PIK3AP1: variants seen among roughly 807,000 people sequenced by gnomAD.
PIK3AP1 encodes phosphoinositide 3-kinase adapter protein 1.
A neutral mutation model predicts 88.1 loss-of-function variants in PIK3AP1; 21 were observed. The ratio of observed to expected loss-of-function variants is 0.24; its 90% CI spans 0.17 to 0.34. PIK3AP1 has a LOEUF of 0.34. Among genes scored for constraint, PIK3AP1 ranks in the 10% least tolerant of loss-of-function variants. The pLI, the probability that PIK3AP1 is intolerant of heterozygous loss-of-function variation, is 1.00. For missense variants in PIK3AP1, 828 were observed against 1,035.7 expected, an observed-to-expected ratio of 0.80 and a Z score of 2.75; for synonymous variants, 398 against 400.0, an observed-to-expected ratio of 1.00 and a Z score of 0.06.
chr10:96,684,987 C>T (rs189928535), intron 2 of PIK3AP1, among the ~76,000 whole-genome samples: 1 of 152,256 alleles, frequency 6.6e-6, no homozygotes, highest in Admixed American at 6.5e-5. Flanking sequence ...TTTAAAAGAT[C>T]GGTAGGAAGA....
chr10:96,597,219 A>G (rs1328701888), intron 16 of PIK3AP1, among the ~76,000 whole-genome samples: 1 of 151,938 alleles, frequency 6.6e-6, no homozygotes, highest in Non-Finnish European at 1.5e-5. Context: ...CTTTTACCTG[A>G]GCAAATTTAG....
chr10:96,652,530 G>A (rs980060446), intron 4 of PIK3AP1, among the ~76,000 whole-genome samples, 168 bp downstream of exon 4: 4 of 151,896 alleles, frequency 2.6e-5, no homozygotes, highest in African/African-American at 9.7e-5. Flanking sequence ...CTGAGATCAT[G>A]CCACTGCACT....
chr10:96,648,221 T>G (rs767719619), intron 7 of PIK3AP1, among the ~76,000 whole-genome samples: 1 of 152,090 alleles, frequency 6.6e-6, no homozygotes, highest in African/African-American at 2.4e-5. Context: ...GCTAGGAGCA[T>G]CCCACCATGG....
chr10:96,601,095 T>A (rs912355844), intron 16 of PIK3AP1, among the ~76,000 whole-genome samples: 2 of 151,996 alleles, frequency 1.3e-5, no homozygotes, highest in Non-Finnish European at 2.9e-5. Context: ...AAAAGATCAC[T>A]TATATTGCTG....
chr10:96,636,009 C>T (rs1419806363), intron 8 of PIK3AP1, among the ~76,000 whole-genome samples: 1 of 151,624 alleles, frequency 6.6e-6, no homozygotes, highest in Non-Finnish European at 1.5e-5. Context: ...AGTTTGAGAC[C>T]AGCCTGGCCA....
chr10:96,606,296 G>C (rs1007457136), intron 14 of PIK3AP1, among the ~76,000 whole-genome samples: 3 of 152,050 alleles, frequency 2.0e-5, no homozygotes, highest in African/African-American at 7.2e-5. Context: ...TAGCCCCTCG[G>C]GCCCACGGGC....
chr10:96,658,612 G>C (rs1005989553), intron 2 of PIK3AP1, among the ~76,000 whole-genome samples: 1 of 152,182 alleles, frequency 6.6e-6, no homozygotes, highest in Non-Finnish European at 1.5e-5. Flanking sequence ...GTAGCCTAGA[G>C]TGGAGGTCCC....
chr10:96,672,711 C>A (rs1843864135), intron 2 of PIK3AP1, among the ~76,000 whole-genome samples: 1 of 152,160 alleles, frequency 6.6e-6, no homozygotes, highest in Non-Finnish European at 1.5e-5. Context: ...CTCTTGTCCA[C>A]CAATGATAAA....
At chr10:96,631,990 A>G (rs1031513852) in intron 8 of PIK3AP1, among the ~76,000 whole-genome samples, 7 of 152,216 alleles carry the variant, frequency 4.6e-5, no homozygotes, top group African/African-American at 1.7e-4. Flanking sequence ...CAAGAAGGGC[A>G]TCATTTCTAT....
chr10:96,716,681 T>G (rs1211407687), intron 1 of PIK3AP1, among the ~76,000 whole-genome samples: 1 of 152,262 alleles, frequency 6.6e-6, no homozygotes, highest in Non-Finnish European at 1.5e-5. Context: ...AATAATCCTC[T>G]TCCTTTAACC....
chr10:96,611,819 G>T (rs956580593), intron 13 of PIK3AP1, among the ~76,000 whole-genome samples: 1 of 151,930 alleles, frequency 6.6e-6, no homozygotes, highest in Admixed American at 6.6e-5. Flanking sequence ...ACTTCGAGGA[G>T]GCAATTTTTT....
intron 12 of PIK3AP1, chr10:96,618,643 C>T (rs1843034410): frequency 1.3e-5 from 2 of 151,730 alleles, no homozygotes; most frequent in African/African-American, 2.4e-5. Context: ...TATGTATTTA[C>T]TACGTACCAG....
chr10:96,609,389 T>TAG (rs1255418534), intron 14 of PIK3AP1, among the ~76,000 whole-genome samples: 1 of 152,226 alleles, frequency 6.6e-6, no homozygotes, highest in Non-Finnish European at 1.5e-5. Flanking sequence ...CCCTATTCCA[T>TAG]AGAGCTTCAG....
At chr10:96,626,130 C>G (rs1412340302) in intron 10 of PIK3AP1, among the ~76,000 whole-genome samples, 1 of 152,170 alleles carries the variant, frequency 6.6e-6, no homozygotes, top group Non-Finnish European at 1.5e-5. Flanking sequence ...CTATCAGTAT[C>G]TAACTAATGT....
In PIK3AP1 at chr10:96,616,724, T is replaced by C. The variant is rs1355690273; in HGVS notation, c.1942-13A>G. ...GTTTAAGATTTTCCTGGAAAAAAAT[T>C]TGGTTTATTTTTTAAGTGTACAACA... On this transcript the variant is annotated splice_polypyrimidine_tract_variant and intron_variant, in intron 12 of 16. Coordinates refer to ENST00000339364, the MANE Select transcript of PIK3AP1 (RefSeq NM_152309.3). 2 of 1,613,698 alleles carry C rather than the reference T, an allele frequency of 1.2e-6. No homozygotes were observed. Among genetic ancestry groups the C allele is most frequent in the East Asian group, 4.5e-5 (2 of 44,880 alleles).
Position 96,600,042 on chromosome 10 carries a change from T to C in PIK3AP1, c.2360+2238A>G, listed in dbSNP as rs115629531. 4.9e-3 allele frequency among the ~76,000 whole-genome samples: 753 copies of C among 152,300 alleles called. 5 individuals are homozygous for C. The highest frequency in any genetic ancestry group is 0.015 in the African/African-American group (628 of 41,554). The stretch of plus-strand genomic sequence containing the variant: ...AAAGTTTTAAACTTGACAACTCTTT[T>C]ATCTTGGTACAATTAGACAACTGCT... On this transcript the variant is annotated intron_variant, in intron 16 of 16. Transcript: ENST00000339364.
At chr10:96,634,502 TCTGA>T (rs1564963623) in intron 8 of PIK3AP1, among the ~76,000 whole-genome samples, 1 of 152,178 alleles carries the variant, frequency 6.6e-6, no homozygotes, top group Non-Finnish European at 1.5e-5. Flanking sequence ...GAGCCCTGGC[TCTGA>T]CTCTTACTAG....
chr10:96,692,457 C>T (rs1172345245), intron 2 of PIK3AP1, among the ~76,000 whole-genome samples: 1 of 151,910 alleles, frequency 6.6e-6, no homozygotes, highest in Admixed American at 6.6e-5. Flanking sequence ...GCCTGTAATC[C>T]CAGCTACTTG....
chr10:96,677,789 A>C (rs934555572), intron 2 of PIK3AP1, among the ~76,000 whole-genome samples: 4 of 152,164 alleles, frequency 2.6e-5, no homozygotes, highest in African/African-American at 9.7e-5. Context: ...TATAGAAACC[A>C]CTGGAAACCT....
Sources: gnomAD v4.1 joint callset for allele counts (sites outside exome capture counted in the v4.1 genomes callset) on GRCh38, gnomAD v4.1.1 for gene constraint, MANE v1.5 for transcripts, NCBI Gene and HGNC (gene_info 2026-07-23, HGNC 2026-07-21) for gene names.